PLEKHO1: variants seen among roughly 807,000 people sequenced by gnomAD.
PLEKHO1 encodes pleckstrin homology domain containing O1, also known as pleckstrin homology domain-containing family O member 1.
In PLEKHO1, 22 loss-of-function variants were observed where a neutral mutation model predicts 41.4. That is an observed-to-expected ratio of 0.53 (90% CI 0.38 to 0.76). The LOEUF is 0.76. PLEKHO1 is among the 30% of genes least tolerant of loss of function. PLEKHO1 has a pLI of 0.00. For missense variants in PLEKHO1, 488 were observed against 518.3 expected, an observed-to-expected ratio of 0.94 and a Z score of 0.57; for synonymous variants, 225 against 210.8, an observed-to-expected ratio of 1.07 and a Z score of -0.58.
chr1:150,150,660 C>T (rs1553818593), intron 1 of PLEKHO1: 3 of 470,726 alleles, frequency 6.4e-6, no homozygotes, highest in Non-Finnish European at 1.2e-5. Context: ...ACCTGGGAGC[C>T]TCTCCGCGCC....
chr1:150,159,379 A>G lies in PLEKHO1; in HGVS notation c.1086A>G (p.Ala362=), dbSNP rs987848576. 1.1e-5 allele frequency: 17 copies of G among 1,614,048 alleles called. No individual in the cohort carries two copies. In the Admixed American group the frequency reaches 2.3e-4, roughly 22 times the overall value. Residue 362 remains alanine, a synonymous_variant, in exon 6 of 6, where the codon GCA becomes GCG. Coordinates refer to ENST00000369124, the MANE Select transcript of PLEKHO1 (RefSeq NM_016274.6). The part of the protein sequence containing the change: ...LLETERLLGE[A]SSNWSQAKRV... ...AGACGGAACGGCTGCTGGGAGAGGC[A>G]TCATCGAATTGGAGCCAGGCAAAGA...
At chr1:150,157,696 A>C (rs1257469207) in intron 5 of PLEKHO1, among the ~76,000 whole-genome samples, 1 of 152,226 alleles carries the variant, frequency 6.6e-6, no homozygotes, top group Non-Finnish European at 1.5e-5. Context: ...CCCAGCTCCC[A>C]GTAATGTTAC....
At position 150,159,701 on chromosome 1, in the gene PLEKHO1, G is replaced by GT. The variant is rs1571954916; in HGVS notation, c.*179dup. 1.3e-5 allele frequency: 7 copies of GT among 540,510 alleles called. No individual in the cohort carries two copies. In the East Asian group the frequency reaches 1.7e-4, roughly 13 times the overall value. 33.5% of individuals were successfully genotyped at this position (540,510 alleles called of 1,614,324 possible). A position where few individuals can be genotyped will look rare whatever the true frequency, so the allele number is the denominator to read the frequency against. ...CCCACCTACTTTCCATATGCCCCTCGTATGCCCCTCAGGTTTGAGGAAGTG... is the reference window on the plus strand; with the variant it reads ...CCCACCTACTTTCCATATGCCCCTCGTTATGCCCCTCAGGTTTGAGGAAGTG... On this transcript the variant is annotated 3_prime_UTR_variant, in exon 6 of 6. Coordinates refer to ENST00000369124, the MANE Select transcript of PLEKHO1 (RefSeq NM_016274.6).
intron 2 of PLEKHO1, chr1:150,154,387 A>T (rs957659446): frequency 6.6e-6 from 1 of 152,312 alleles, no homozygotes; most frequent in Admixed American, 6.5e-5. Context: ...AACCCTGGAA[A>T]GTGGGAGGCC....
rs1437518892 is a variant in PLEKHO1 at position 150,156,223 on chromosome 1, A to T, written c.318+17A>T. The stretch of plus-strand genomic sequence containing the variant: ...GGTAACACGGTATGTTTCTCCTGCC[A>T]CCTTGGCTGCTGGAACATGGACAGG... On this transcript the variant is annotated intron_variant, in intron 3 of 5. Transcript: ENST00000369124. The T allele has an allele frequency of 3.7e-6, 6 of 1,610,580 alleles. No individual in the cohort carries two copies. Among genetic ancestry groups the T allele is most frequent in the Non-Finnish European group, 5.1e-6 (6 of 1,177,702 alleles).
intron 1 of PLEKHO1, chr1:150,150,566 A>C: frequency 5.6e-6 from 1 of 179,562 alleles, no homozygotes; most frequent in Non-Finnish European, 1.2e-5. Context: ...CGTGGCGAGG[A>C]GACAATGGGA....
intron 4 of PLEKHO1, 168 bp downstream of exon 4, chr1:150,157,183 T>C: frequency 4.3e-6 from 3 of 697,884 alleles, no homozygotes; most frequent in Non-Finnish European, 7.7e-6. Context: ...TCTCTCCAAG[T>C]CTCATCTGAC....
At position 150,151,011 on chromosome 1, in the gene PLEKHO1, C is replaced by T. The variant is rs1659900688; in HGVS notation, c.130C>T (p.Arg44Cys). The change falls in exon 2 of 6, where the codon CGC becomes TGC. Residue 44 changes from arginine (R) to cysteine (C), a missense_variant. Around this residue, in one of 3 missense-constraint regions of PLEKHO1, gnomAD observed 92 missense variants for 82.3 expected, o/e 1.12. Transcript: ENST00000369124. ...KGIFREIWKNRYVVLKGDQLY... is the reference protein window; with the variant it reads ...KGIFREIWKNCYVVLKGDQLY... The stretch of plus-strand genomic sequence containing the variant: ...GATTTTCAGGGAGATTTGGAAAAAC[C>T]GCTATGTGGTGCTGAAAGGGGACCA... The T allele has an allele frequency of 3.1e-6, 5 of 1,614,016 alleles. No homozygotes were observed. The highest frequency in any genetic ancestry group is 4.5e-5 in the East Asian group (2 of 44,882).
rs1274942058 is a variant in PLEKHO1 at position 150,149,935 on chromosome 1, G to A, written c.-323G>A. The A allele has an allele frequency of 4.0e-5, 6 of 150,900 alleles. No individual in the cohort carries two copies. The highest frequency in any genetic ancestry group is 5.9e-5 in the Non-Finnish European group (4 of 67,894). The allele number at this position is 150,900 out of a possible 1,614,324, so 9.3% of individuals were successfully genotyped here. A position where few individuals can be genotyped will look rare whatever the true frequency, so the allele number is the denominator to read the frequency against. On this transcript the variant is annotated 5_prime_UTR_variant, in exon 1 of 6. Coordinates refer to ENST00000369124, the MANE Select transcript of PLEKHO1 (RefSeq NM_016274.6). ...CCGCCCACAGCGCACCGGGCCGGGG[G>A]AGCGGCCGCGCTGGGCCGGGCGGGC...
chr1:150,156,685 T>G (rs1660184464), intron 3 of PLEKHO1, among the ~76,000 whole-genome samples: 1 of 152,206 alleles, frequency 6.6e-6, no homozygotes, highest in Non-Finnish European at 1.5e-5. Flanking sequence ...ATATTCAGTA[T>G]CCTTCTTAGC....
rs1215843974 is a variant in PLEKHO1 at position 150,150,020 on chromosome 1, A to G, written c.-238A>G. 6.5e-6 allele frequency: 1 copy of G among 153,774 alleles called. No homozygotes were observed. The highest frequency in any genetic ancestry group is 1.4e-5 in the Non-Finnish European group (1 of 70,394). 9.5% of individuals were successfully genotyped at this position (153,774 alleles called of 1,614,324 possible). ...GTGGGCGCCGGGATGGAGGGCGCCAAGGGGCGGGGAGCGGGCGTGCGTGTG... is the reference window on the plus strand; with the variant it reads ...GTGGGCGCCGGGATGGAGGGCGCCAGGGGGCGGGGAGCGGGCGTGCGTGTG... On this transcript the variant is annotated 5_prime_UTR_variant, in exon 1 of 6. Coordinates refer to ENST00000369124, the MANE Select transcript of PLEKHO1 (RefSeq NM_016274.6).
rs782675147 is a variant in PLEKHO1, at chr1:150,158,847, T to C, written c.554T>C (p.Leu185Pro). 1 of 1,610,064 alleles carries C rather than the reference T, an allele frequency of 6.2e-7. No homozygotes were observed. The highest frequency in any genetic ancestry group is 1.1e-5 in the South Asian group (1 of 91,000). ...VASTSTSDGM[L>P]TLDLIQEEDP... The stretch of plus-strand genomic sequence containing the variant: ...TCCACCTCTACCTCGGATGGGATGC[T>C]GACCTTGGACTTGATCCAAGAGGAA... Residue 185 changes from leucine to proline, a missense_variant, in exon 6 of 6, where the codon CTG (leucine) becomes CCG (proline). By Grantham distance (98) the Leu-to-Pro change is moderately conservative. This residue lies in a region of PLEKHO1 where 337 missense variants were observed against 324.6 expected (regional missense o/e 1.04). Transcript: ENST00000369124.
At chr1:150,156,330 G>C in intron 3 of PLEKHO1, 124 bp downstream of exon 3, 2 of 783,932 alleles carry the variant, frequency 2.6e-6, no homozygotes, top group Non-Finnish European at 4.1e-6. Context: ...TTGCTCTCCT[G>C]CTGGCTTTTA....
In PLEKHO1 at chr1:150,156,898, C is replaced by T. The variant is rs782298161; in HGVS notation, c.319-13C>T. On this transcript the variant is annotated splice_polypyrimidine_tract_variant and intron_variant, in intron 3 of 5. Transcript: ENST00000369124. ...CTAAAACCCTGGCTGAAACAGGAAT[C>T]TTCCCCTCACAGGCACCCAACCTGA... 6.4e-7 allele frequency: 1 copy of T among 1,550,772 alleles called. No homozygotes were observed. Among genetic ancestry groups the T allele is most frequent in the South Asian group, 1.1e-5 (1 of 89,730 alleles).
Position 150,159,858 on chromosome 1 carries a change from A to T in PLEKHO1, c.*335A>T. On this transcript the variant is annotated 3_prime_UTR_variant, in exon 6 of 6. Coordinates refer to ENST00000369124, the MANE Select transcript of PLEKHO1 (RefSeq NM_016274.6). ...GGAGTCCACTGCTGCTCCCAAGGAT[A>T]CAGTGGGCTTCTAAGCTTAGAGCGG... is the stretch of plus-strand genomic sequence containing the variant. The T allele has an allele frequency of 4.6e-6, 1 of 215,466 alleles. No homozygotes were observed. The highest frequency in any genetic ancestry group is 9.3e-6 in the Non-Finnish European group (1 of 107,268). 13.3% of individuals were successfully genotyped at this position (215,466 alleles called of 1,614,324 possible). A position where few individuals can be genotyped will look rare whatever the true frequency, so the allele number is the denominator to read the frequency against.
At chr1:150,156,232 G>A (rs782772295) in intron 3 of PLEKHO1, 26 bp downstream of exon 3, 5 of 1,606,256 alleles carry the variant, frequency 3.1e-6, no homozygotes, top group African/African-American at 2.7e-5. Flanking sequence ...CACCTTGGCT[G>A]CTGGAACATG....
rs1415278534 is a variant in PLEKHO1, at chr1:150,150,958, G to A, written c.77G>A (p.Gly26Asp). ...CAGCCTGCACCGCCCGAGAAGGTCG[G>A]CTGGGTCCGGAAATTCTGCGGGAAA... is the stretch of plus-strand genomic sequence containing the variant. ...NQQPAPPEKV[G>D]WVRKFCGKGI... Residue 26 changes from glycine to aspartate, a missense_variant, in exon 2 of 6, where the codon GGC becomes GAC. Physicochemically the swap from Gly to Asp is moderately conservative, Grantham distance 94. Transcript: ENST00000369124. 3 of 1,613,966 alleles carry A rather than the reference G, an allele frequency of 1.9e-6. No homozygotes were observed. Among genetic ancestry groups the A allele is most frequent in the Non-Finnish European group, 8.5e-7 (1 of 1,179,916 alleles).
At chr1:150,150,338 A>AC in intron 1 of PLEKHO1, 51 bp downstream of exon 1, 1 of 927,440 alleles carries the variant, frequency 1.1e-6, no homozygotes, top group Non-Finnish European at 1.3e-6. Flanking sequence ...CGCTCTGACG[A>AC]CCCCCGCTCC....
Position 150,150,231 on chromosome 1 carries a change from G to A in PLEKHO1, c.-27G>A. The stretch of plus-strand genomic sequence containing the variant: ...CCGACGCGGGGCCGCCCCTCGGCTC[G>A]CCGCCCCGCGCCCGCGCCCGCTGGG... On this transcript the variant is annotated 5_prime_UTR_variant, in exon 1 of 6. Transcript: ENST00000369124. 3 of 1,041,666 alleles carry A rather than the reference G, an allele frequency of 2.9e-6. No individual in the cohort carries two copies. The highest frequency in any genetic ancestry group is 5.1e-5 in the Admixed American group (1 of 19,652). 64.5% of individuals were successfully genotyped at this position (1,041,666 alleles called of 1,614,324 possible).
Sources: allele counts gnomAD v4.1 joint callset (sites outside exome capture counted in the v4.1 genomes callset), GRCh38; gene constraint gnomAD v4.1.1; regional missense constraint gnomAD v4.1.1; transcripts MANE v1.5; gene names NCBI Gene and HGNC (gene_info 2026-07-23, HGNC 2026-07-21).